Variants in VPS26C observed in about 807,000 individuals in gnomAD.
VPS26C encodes VPS26 endosomal protein sorting factor C, also known as vacuolar protein sorting-associated protein 26C.
VPS26C carries 19 observed loss-of-function variants against 30.6 expected under a neutral mutation model. That is an observed-to-expected ratio of 0.62 (90% CI 0.43 to 0.91). The LOEUF (loss-of-function observed/expected upper bound fraction) is 0.91. Ranked by LOEUF, VPS26C falls within the 40% of genes least tolerant of loss-of-function variation. The pLI is 0.00. For missense variants in VPS26C, 318 were observed against 385.1 expected (o/e 0.83, Z 1.46); for synonymous variants, 132 against 151.5 (o/e 0.87, Z 0.95).
intron 1 of VPS26C, among the ~76,000 whole-genome samples, chr21:37,243,967 T>G (rs889581419): frequency 6.6e-6 from 1 of 152,332 alleles, no homozygotes; most frequent in African/African-American, 2.4e-5. Context: ...TTTATTATAC[T>G]TTGTGCCTCA....
In VPS26C at chr21:37,242,712, G is replaced by A. The variant is rs200267123; in HGVS notation, c.58-2073C>T. 8.3e-4 allele frequency among the ~76,000 whole-genome samples: 127 copies of A among 152,326 alleles called. 1 individual carries two copies. The East Asian group carries it at 9.5e-3, about 11-fold the overall frequency. On this transcript the variant is annotated intron_variant, in intron 1 of 7. Transcript: ENST00000309117. ...TCAATTGAACCACACAGTAGCGCCT[G>A]AGGATGGTCCCGTTCCTATGCAGTC...
rs138296689 is a variant in VPS26C, at chr21:37,231,061, A to G, written c.507+1316T>C. 9.8e-3 allele frequency among the ~76,000 whole-genome samples: 1,489 copies of G among 152,330 alleles called. 24 individuals carry two copies. The highest frequency in any genetic ancestry group is 0.034 in the African/African-American group (1,394 of 41,582). On this transcript the variant is annotated intron_variant, in intron 5 of 7. Transcript: ENST00000309117. ...CCACACCCAGGGCAGAGCGCCTCTG[A>G]TGAGCAGGTGCTGAGGACCAGGAGA...
intron 1 of VPS26C, among the ~76,000 whole-genome samples, chr21:37,260,719 A>G (rs900588573): frequency 1.3e-5 from 2 of 152,194 alleles, no homozygotes; most frequent in East Asian, 3.8e-4. Context: ...AGAGAAAACC[A>G]TATTTATAGG....
intron 3 of VPS26C, among the ~76,000 whole-genome samples, chr21:37,234,004 T>C (rs966225130): frequency 3.9e-5 from 6 of 152,242 alleles, no homozygotes; most frequent in African/African-American, 1.4e-4. Flanking sequence ...ATCCATGCAG[T>C]GAGGACTGCA....
chr21:37,265,749 G>C (rs549994001), intron 1 of VPS26C, among the ~76,000 whole-genome samples: 10 of 152,126 alleles, frequency 6.6e-5, no homozygotes, highest in Non-Finnish European at 1.5e-4. Context: ...TTTTTGGCAG[G>C]AATACTACAT....
At chr21:37,255,228 T>C (rs540157018) in intron 1 of VPS26C, among the ~76,000 whole-genome samples, 11 of 152,216 alleles carry the variant, frequency 7.2e-5, no homozygotes, top group Non-Finnish European at 1.5e-4. Context: ...CGGTTCCTAA[T>C]TTTCCATTGA....
At position 37,239,300 on chromosome 21, in the gene VPS26C, T is replaced by C. The variant is rs1281081551; in HGVS notation, c.202-691A>G. Among the ~76,000 whole-genome samples, 4 of 152,306 alleles carry C rather than the reference T, an allele frequency of 2.6e-5. No homozygotes were observed. In the South Asian group the frequency reaches 6.2e-4, roughly 24 times the overall value. ...GATTAAAATAAAGTTGTAGAAAACA[T>C]AGGAAGCCCCTAAATCTGAACACTG... On this transcript the variant is annotated intron_variant, in intron 2 of 7. Transcript: ENST00000309117.
In VPS26C at chr21:37,233,276, A is replaced by C; in HGVS notation, c.432+86T>G. 8.3e-7 allele frequency: 1 copy of C among 1,203,050 alleles called. No homozygotes were observed. Among genetic ancestry groups the C allele is most frequent in the Non-Finnish European group, 1.2e-6 (1 of 811,176 alleles). 74.5% of individuals were successfully genotyped at this position (1,203,050 alleles called of 1,614,324 possible). A position where few individuals can be genotyped will look rare whatever the true frequency, so the allele number is the denominator to read the frequency against. ...GCACCCGTGAAACAGTAAGAGGCTA[A>C]ATGGTGAGCTTGTAAATAGGGTAAA... On this transcript the variant is annotated intron_variant, in intron 4 of 7. Coordinates refer to ENST00000309117, the MANE Select transcript of VPS26C (RefSeq NM_006052.2). This position sits in a 1 kb window ranked among gnomAD's most constrained non-coding sequence, Gnocchi z 5.2.
intron 1 of VPS26C, among the ~76,000 whole-genome samples, chr21:37,247,400 T>G (rs142995274): frequency 3.5e-4 from 53 of 152,188 alleles, no homozygotes; most frequent in Admixed American, 7.2e-4. Flanking sequence ...AGTAGGAAAT[T>G]AATAAATAAT....
At chr21:37,238,730 C>A in intron 2 of VPS26C, 121 bp from the exon 3 acceptor site, 1 of 1,164,102 alleles carries the variant, frequency 8.6e-7, no homozygotes, top group African/African-American at 1.5e-5. Flanking sequence ...CTGCTGTCTT[C>A]GGCAGCTCTG....
chr21:37,254,813 A>C (rs959876394), intron 1 of VPS26C, among the ~76,000 whole-genome samples: 7 of 148,544 alleles, frequency 4.7e-5, no homozygotes, highest in African/African-American at 1.8e-4. Context: ...AGAAAAAAAA[A>C]ATAAATAAAA....
At chr21:37,256,251 A>G (rs1448766032) in intron 1 of VPS26C, among the ~76,000 whole-genome samples, 1 of 152,188 alleles carries the variant, frequency 6.6e-6, no homozygotes, top group Non-Finnish European at 1.5e-5. Flanking sequence ...TAGTCACAAC[A>G]TCCTATAACT....
chr21:37,250,476 GAATA>G (rs1405270383), intron 1 of VPS26C, among the ~76,000 whole-genome samples: 2 of 152,020 alleles, frequency 1.3e-5, no homozygotes, highest in African/African-American at 4.8e-5. Flanking sequence ...TCAAAACTCT[GAATA>G]AATATGGCCA....
intron 5 of VPS26C, 81 bp downstream of exon 5, chr21:37,232,296 G>T: frequency 2.5e-6 from 3 of 1,180,022 alleles, no homozygotes; most frequent in South Asian, 2.6e-5. Context: ...TCCAAATGAA[G>T]ACCACCCGGG....
chr21:37,256,506 T>A (rs1602285139), intron 1 of VPS26C, among the ~76,000 whole-genome samples: 1 of 152,376 alleles, frequency 6.6e-6, no homozygotes, highest in African/African-American at 2.4e-5. Context: ...AAAATCTTTA[T>A]GCTAAACGAT....
chr21:37,226,746 A>C lies in VPS26C; in HGVS notation c.811+908T>G, dbSNP rs991397748. 6.6e-5 allele frequency: 10 copies of C among 152,154 alleles called. No individual in the cohort carries two copies. Among genetic ancestry groups the C allele is most frequent in the African/African-American group, 2.2e-4 (9 of 41,444 alleles). The allele number at this position is 152,154 out of a possible 1,614,324, so 9.4% of individuals were successfully genotyped here. ...GTGCATTTGAGGTCACTCGCACGGA[A>C]TTGGAGGGGAACACACAGAGGTGCT... is the stretch of plus-strand genomic sequence containing the variant. On this transcript the variant is annotated intron_variant, in intron 7 of 7. Transcript: ENST00000309117. The surrounding 1 kb of genome is among the most constrained non-coding windows in gnomAD (Gnocchi z 4.1).
chr21:37,257,296 G>A lies in VPS26C; in HGVS notation c.57+9942C>T, dbSNP rs1602285787. ...GTCAACTGACCTCTCCCTGCGCTCTGGACAGGCAAACAGGCAAGGTTCCCT... is the reference window on the plus strand; with the variant it reads ...GTCAACTGACCTCTCCCTGCGCTCTAGACAGGCAAACAGGCAAGGTTCCCT... On this transcript the variant is annotated intron_variant, in intron 1 of 7. Transcript: ENST00000309117. This position sits in a 1 kb window ranked among gnomAD's most constrained non-coding sequence, Gnocchi z 4.2. 6.6e-6 allele frequency among the ~76,000 whole-genome samples: 1 copy of A among 152,238 alleles called. No homozygotes were observed. The highest frequency in any genetic ancestry group is 1.9e-4 in the East Asian group (1 of 5,206).
chr21:37,228,519 C>T (rs562096477), intron 5 of VPS26C, 146 bp from the exon 6 acceptor site: 3 of 814,456 alleles, frequency 3.7e-6, no homozygotes, highest in East Asian at 5.4e-5. Flanking sequence ...AAGAAAGGAG[C>T]GAAGTACTGA....
chr21:37,229,701 A>G (rs909689764), intron 5 of VPS26C, among the ~76,000 whole-genome samples: 11 of 152,130 alleles, frequency 7.2e-5, no homozygotes, highest in East Asian at 1.9e-4. Context: ...TACACATCCA[A>G]CTCAGCTACT....
Sources: gnomAD v4.1 joint callset for allele counts (sites outside exome capture counted in the v4.1 genomes callset) on GRCh38, gnomAD v4.1.1 for gene constraint, Gnocchi (gnomAD v3.1) non-coding constraint, MANE v1.5 for transcripts, NCBI Gene and HGNC (gene_info 2026-07-23, HGNC 2026-07-21) for gene names.